Variants in SPINK5 observed in about 807,000 individuals in gnomAD.
SPINK5 encodes serine protease inhibitor Kazal-type 5.
Under a neutral mutation model 151.8 loss-of-function variants are expected in SPINK5, and 125 were observed. That is an observed-to-expected ratio of 0.82 (90% CI 0.71 to 0.96). SPINK5 has a LOEUF of 0.96. Among genes scored for constraint, SPINK5 ranks in the 40% least tolerant of loss-of-function variants. SPINK5 has a pLI of 0.00. For synonymous variants in SPINK5, 374 were observed against 395.3 expected, an observed-to-expected ratio of 0.95 and a Z score of 0.64; for missense variants, 1,194 against 1,291.9, an observed-to-expected ratio of 0.92 and a Z score of 1.16.
At chr5:148,106,908 A>T (rs1753795196) in intron 16 of SPINK5, 129 bp from the exon 17 acceptor site, 7 of 1,175,412 alleles carry the variant, frequency 6.0e-6, no homozygotes, top group Non-Finnish European at 7.2e-6. Flanking sequence ...GTAAATACTT[A>T]CTGATTTACT....
chr5:148,099,858 A>G (rs1033475138), intron 12 of SPINK5, among the ~76,000 whole-genome samples: 1 of 152,078 alleles, frequency 6.6e-6, no homozygotes, highest in Non-Finnish European at 1.5e-5. Context: ...TTCAAAATGT[A>G]AATAAGATCA....
chr5:148,124,826 A>C lies in SPINK5; in HGVS notation c.2728A>C (p.Asn910His). The change falls in exon 28 of 33, where the codon AAT becomes CAT. Residue 910 changes from asparagine (N) to histidine (H), a missense_variant. Coordinates refer to ENST00000256084, the MANE Select transcript of SPINK5 (RefSeq NM_006846.4). The part of the protein sequence containing the change: ...DEEKSSSKPS[N>H]NAKDECSEFR... Reference sequence around the variant, plus strand: ...AGAGAAATCAAGTAGCAAGCCCTCAAATAATGCAAAGGTTATTTATTAAAG... The same window carrying C: ...AGAGAAATCAAGTAGCAAGCCCTCACATAATGCAAAGGTTATTTATTAAAG... 2 of 1,604,762 alleles carry C rather than the reference A, an allele frequency of 1.2e-6. No individual in the cohort carries two copies. Among genetic ancestry groups the C allele is most frequent in the Non-Finnish European group, 1.7e-6 (2 of 1,175,848 alleles).
chr5:148,134,467 T>G (rs1754648848), intron 32 of SPINK5, among the ~76,000 whole-genome samples: 1 of 152,182 alleles, frequency 6.6e-6, no homozygotes, highest in Non-Finnish European at 1.5e-5. Flanking sequence ...AATGTTTTGT[T>G]ATGGGATAAA....
chr5:148,111,888 G>A lies in SPINK5; in HGVS notation c.1813G>A (p.Ala605Thr). The change falls in exon 19 of 33, where the codon GCC becomes ACC. Residue 605 changes from alanine (A) to threonine (T), a missense_variant. Coordinates refer to ENST00000256084, the MANE Select transcript of SPINK5 (RefSeq NM_006846.4). Reference protein sequence around the residue: ...IHGNTCSMCEAFFQQEAKEKE... With the variant: ...IHGNTCSMCETFFQQEAKEKE... ...CGGCAACACCTGCTCCATGTGTGAA[G>A]CCTTCTTGTGAGTGGGCGGCAGCCA... The A allele has an allele frequency of 1.2e-6, 2 of 1,613,968 alleles. No individual in the cohort carries two copies. Among genetic ancestry groups the A allele is most frequent in the East Asian group, 2.2e-5 (1 of 44,874 alleles).
At chr5:148,076,654 AAGCAACTATTAAAAATGT>A (rs1752888814) in intron 4 of SPINK5, among the ~76,000 whole-genome samples, 1 of 151,728 alleles carries the variant, frequency 6.6e-6, no homozygotes, top group African/African-American at 2.4e-5. Flanking sequence ...CAAAGACTTG[AAGCAACTATTAAAAATGT>A]ATTCAGGATA....
Position 148,070,363 on chromosome 5 carries a change from A to C in SPINK5, c.122A>C (p.Lys41Thr), listed in dbSNP as rs746648914. 1 of 1,612,810 alleles carries C rather than the reference A, an allele frequency of 6.2e-7. No individual in the cohort carries two copies. The highest frequency in any genetic ancestry group is 2.2e-5 in the East Asian group (1 of 44,742). ...HEFQAFMKNG[K>T]LFCPQDKKFF... ...TTTCAGGCATTTATGAAAAATGGAA[A>C]ACTGTTCTGTCCCCAGGATAAGAAA... is the stretch of plus-strand genomic sequence containing the variant. The change falls in exon 3 of 33, where the codon AAA becomes ACA. Residue 41 changes from lysine to threonine, a missense_variant. Transcript: ENST00000256084.
chr5:148,129,012 A>G (rs1238861121), intron 30 of SPINK5, among the ~76,000 whole-genome samples: 1 of 152,136 alleles, frequency 6.6e-6, no homozygotes, highest in Non-Finnish European at 1.5e-5. Flanking sequence ...AGGGGAGGGG[A>G]TACAATTTTA....
chr5:148,089,718 A>G, intron 7 of SPINK5, 97 bp downstream of exon 7: 4 of 1,573,602 alleles, frequency 2.5e-6, no homozygotes, highest in Non-Finnish European at 2.6e-6. Context: ...TTCATGAAGC[A>G]TGCAATTCTT....
intron 8 of SPINK5, among the ~76,000 whole-genome samples, chr5:148,093,230 A>AT (rs895784859): frequency 1.3e-5 from 2 of 151,938 alleles, no homozygotes; most frequent in Non-Finnish European, 2.9e-5. Flanking sequence ...TTAGAGTATC[A>AT]TTTTTTTGGT....
chr5:148,132,352 G>A (rs992109221), intron 31 of SPINK5, among the ~76,000 whole-genome samples: 4 of 152,042 alleles, frequency 2.6e-5, no homozygotes, highest in Non-Finnish European at 4.4e-5. Flanking sequence ...CATGAGGATA[G>A]GACTCCCTGA....
At chr5:148,074,277 G>A (rs7725960) in intron 4 of SPINK5, among the ~76,000 whole-genome samples, 1,864 of 151,608 alleles carry the variant, frequency 0.012, 44 homozygotes, top group African/African-American at 0.043. Context: ...TTCATTTCCC[G>A]ACTCTAGTAT....
rs189903324 is a variant in SPINK5, at chr5:148,065,472, A to T, written c.81+100A>T. The stretch of plus-strand genomic sequence containing the variant: ...CATGTTAATAATACAAACATATTAT[A>T]CTGGTAGGTACTAATAGCTTTTGTT... On this transcript the variant is annotated intron_variant, in intron 2 of 32. Coordinates refer to ENST00000256084, the MANE Select transcript of SPINK5 (RefSeq NM_006846.4). 924 of 1,237,396 alleles carry T rather than the reference A, an allele frequency of 7.5e-4. 7 individuals carry two copies. In the African/African-American group the frequency reaches 0.012, roughly 16 times the overall value. 76.7% of individuals were successfully genotyped at this position (1,237,396 alleles called of 1,614,324 possible).
intron 20 of SPINK5, among the ~76,000 whole-genome samples, chr5:148,113,374 G>A (rs865978062): frequency 6.6e-6 from 1 of 152,116 alleles, no homozygotes; most frequent in Non-Finnish European, 1.5e-5. Context: ...AGTACCAATA[G>A]CTTCATATTT....
intron 26 of SPINK5, among the ~76,000 whole-genome samples, chr5:148,123,545 A>G (rs1017261473): frequency 1.5e-5 from 1 of 68,710 alleles, no homozygotes; most frequent in African/African-American, 4.7e-5. Context: ...ATATATATAT[A>G]TATATAATCT....
intron 8 of SPINK5, 104 bp from the exon 9 acceptor site, chr5:148,094,250 A>G (rs1935248605): frequency 7.7e-7 from 1 of 1,295,282 alleles, no homozygotes. Context: ...AGCTATGATC[A>G]TTCCCCTGCA....
intron 27 of SPINK5, 104 bp from the exon 28 acceptor site, chr5:148,124,661 T>G: frequency 1.2e-6 from 1 of 803,706 alleles, no homozygotes; most frequent in Non-Finnish European, 1.8e-6. Flanking sequence ...AAGAAAACAG[T>G]GTTAGATTTG....
rs17704764 is a variant in SPINK5, at chr5:148,109,091, A to G, written c.1692+254A>G. Among the ~76,000 whole-genome samples the G allele has an allele frequency of 0.16, 24,245 of 152,224 alleles. 2,189 individuals carry two copies. The highest frequency in any genetic ancestry group is 0.24 in the Middle Eastern group (70 of 292). Reference sequence around the variant, plus strand: ...GATTGTGTCAATTATATTACCTAAGAAAGAAGTATATATAGATTGTTATCT... The same window carrying G: ...GATTGTGTCAATTATATTACCTAAGGAAGAAGTATATATAGATTGTTATCT... On this transcript the variant is annotated intron_variant, in intron 18 of 32. Coordinates refer to ENST00000256084, the MANE Select transcript of SPINK5 (RefSeq NM_006846.4).
rs2303062 is a variant in SPINK5, at chr5:148,100,444, A to G, written c.1093-10A>G. On this transcript the variant is annotated splice_polypyrimidine_tract_variant and intron_variant, in intron 12 of 32. Coordinates refer to ENST00000256084, the MANE Select transcript of SPINK5 (RefSeq NM_006846.4). ...AATATATGGCCAACTTACTTCTTCT[A>G]TCTCGGCAGGAGCTTTGCAGTGAAT... 805,012 of 1,585,766 alleles carry G rather than the reference A, an allele frequency of 0.51. 212,251 individuals carry two copies. Among genetic ancestry groups the G allele is most frequent in the Admixed American group, 0.66 (39,320 of 59,746 alleles).
Position 148,120,063 on chromosome 5 carries a change from C to A in SPINK5, c.2368C>A (p.Arg790=), listed in dbSNP as rs121908387. Reference sequence around the variant, plus strand: ...GAAAAATGGAAAACTCATCTGCACTCGAGAAAGTGACCCTGTCCGGGGTCC... The same window carrying A: ...GAAAAATGGAAAACTCATCTGCACTAGAGAAAGTGACCCTGTCCGGGGTCC... The part of the protein sequence containing the change: ...QMKNGKLICT[R]ESDPVRGPDG... Residue 790 remains arginine (R), a synonymous_variant, in exon 25 of 33, where the codon CGA becomes AGA. Transcript: ENST00000256084. 1 of 1,613,920 alleles carries A rather than the reference C, an allele frequency of 6.2e-7. No homozygotes were observed. Among genetic ancestry groups the A allele is most frequent in the Non-Finnish European group, 8.5e-7 (1 of 1,179,890 alleles).
Sources: gnomAD v4.1 joint callset for allele counts (sites outside exome capture counted in the v4.1 genomes callset) on GRCh38, gnomAD v4.1.1 for gene constraint, MANE v1.5 for transcripts, NCBI Gene and HGNC (gene_info 2026-07-23, HGNC 2026-07-21) for gene names.